SNTG1: variants seen among roughly 807,000 people sequenced by gnomAD.
The protein encoded by SNTG1 is syntrophin gamma 1.
SNTG1 carries 39 observed loss-of-function variants against 74.7 expected under a neutral mutation model. That is an observed-to-expected ratio of 0.52 (90% CI 0.40 to 0.68). The LOEUF (loss-of-function observed/expected upper bound fraction) is 0.68, where lower values mean the gene tolerates loss of function less well. SNTG1 is among the 30% of genes least tolerant of loss of function. SNTG1 has a pLI of 0.00. For missense variants in SNTG1, 685 were observed against 609.5 expected, an observed-to-expected ratio of 1.12 and a Z score of -1.30; for synonymous variants, 254 against 217.1, an observed-to-expected ratio of 1.17 and a Z score of -1.49.
chr8:50,762,700 G>A (rs1049842218), intron 18 of SNTG1: 6 of 482,356 alleles, frequency 1.2e-5, no homozygotes, highest in Admixed American at 8.5e-5. Flanking sequence ...AGAGACCATG[G>A]AGATTAGGCC....
intron 1 of SNTG1, among the ~76,000 whole-genome samples, chr8:50,146,010 T>C (rs1268296648): frequency 1.3e-5 from 2 of 151,432 alleles, no homozygotes; most frequent in Non-Finnish European, 2.9e-5. Flanking sequence ...CTTGTAGAAA[T>C]ATAGCTAAAT....
intron 17 of SNTG1, among the ~76,000 whole-genome samples, chr8:50,722,264 T>C (rs980478944): frequency 3.9e-5 from 6 of 152,142 alleles, no homozygotes; most frequent in Middle Eastern, 3.4e-3. Context: ...AACATCCACC[T>C]CCCAGGTTCA....
intron 2 of SNTG1, among the ~76,000 whole-genome samples, chr8:50,361,002 A>G (rs907987475): frequency 6.6e-6 from 1 of 152,192 alleles, no homozygotes; most frequent in African/African-American, 2.4e-5. Flanking sequence ...TTAAACTTTT[A>G]ATGATTTGCT....
chr8:50,046,549 G>GA (rs1171726160), intron 1 of SNTG1, among the ~76,000 whole-genome samples: 1 of 152,058 alleles, frequency 6.6e-6, no homozygotes, highest in East Asian at 1.9e-4. Context: ...CTGAAATCAA[G>GA]AATCATAACC....
intron 5 of SNTG1, among the ~76,000 whole-genome samples, chr8:50,449,457 C>T (rs1016717021): frequency 7.9e-5 from 12 of 152,250 alleles, no homozygotes; most frequent in African/African-American, 2.9e-4. Context: ...ACTTTCAAAG[C>T]CAATTGTTAT....
chr8:50,585,032 A>T (rs760344982), intron 12 of SNTG1, among the ~76,000 whole-genome samples: 1 of 152,180 alleles, frequency 6.6e-6, no homozygotes. Context: ...TGGGTCATTC[A>T]TACAGAATTT....
At chr8:50,622,916 A>T (rs905555733) in intron 13 of SNTG1, among the ~76,000 whole-genome samples, 1 of 152,144 alleles carries the variant, frequency 6.6e-6, no homozygotes, top group Non-Finnish European at 1.5e-5. Flanking sequence ...TGAATTACCG[A>T]TGTTTTCGGT....
chr8:50,151,773 G>A (rs1275145313), intron 1 of SNTG1, among the ~76,000 whole-genome samples: 6 of 152,184 alleles, frequency 3.9e-5, no homozygotes, highest in East Asian at 1.9e-4. Flanking sequence ...TGGTCTGAGG[G>A]AGAGCTTGTT....
chr8:50,164,092 C>CTTTTTTTTTTTT (rs3086088), intron 1 of SNTG1: 11 of 71,984 alleles, frequency 1.5e-4, no homozygotes, highest in Non-Finnish European at 1.9e-4. Context: ...GACACAATTT[C>CTTTTTTTTTTTT]TTTTTTTTTT....
intron 1 of SNTG1, among the ~76,000 whole-genome samples, chr8:49,997,447 A>C (rs2449963): frequency 0.78 from 118,138 of 152,054 alleles, 46,066 homozygotes; most frequent in East Asian, 0.83. Context: ...CTTAACTCAG[A>C]GGAGTCATGT....
At chr8:50,483,676 T>C (rs2093759251) in intron 8 of SNTG1, among the ~76,000 whole-genome samples, 1 of 152,214 alleles carries the variant, frequency 6.6e-6, no homozygotes, top group Admixed American at 6.5e-5. Context: ...TGTAAGCAAT[T>C]CTACAATATT....
At chr8:50,064,357 C>G (rs771964050) in intron 1 of SNTG1, among the ~76,000 whole-genome samples, 1 of 152,108 alleles carries the variant, frequency 6.6e-6, no homozygotes, top group Non-Finnish European at 1.5e-5. Flanking sequence ...GCAGAAAGCT[C>G]TTCATTCTCT....
At chr8:49,931,078 A>C (rs1807544404) in intron 1 of SNTG1, among the ~76,000 whole-genome samples, 1 of 152,212 alleles carries the variant, frequency 6.6e-6, no homozygotes, top group South Asian at 2.1e-4. Context: ...CAAATGTTGC[A>C]TAAAGAAAAG....
intron 12 of SNTG1, among the ~76,000 whole-genome samples, chr8:50,568,253 G>GTGTGTGTGCTAT: frequency 6.6e-6 from 1 of 151,764 alleles, no homozygotes; most frequent in Admixed American, 6.6e-5. Context: ...GTGTGTGTGT[G>GTGTGTGTGCTAT]CTATCTATTT....
intron 2 of SNTG1, among the ~76,000 whole-genome samples, chr8:50,181,443 G>A (rs1586610260): frequency 1.3e-5 from 2 of 152,100 alleles, no homozygotes; most frequent in South Asian, 2.1e-4. Context: ...TGGTTAGCAC[G>A]TGCATCAGTC....
intron 1 of SNTG1, among the ~76,000 whole-genome samples, chr8:49,987,611 A>G (rs183054198): frequency 1.1e-4 from 17 of 152,106 alleles, no homozygotes; most frequent in African/African-American, 2.7e-4. Context: ...AGGTCGGTGC[A>G]AAAGTAATTG....
At chr8:50,001,074 GGTGAGCTGAGCTCAACT>G (rs1563453581) in intron 1 of SNTG1, among the ~76,000 whole-genome samples, 1 of 152,180 alleles carries the variant, frequency 6.6e-6, no homozygotes, top group Non-Finnish European at 1.5e-5. Context: ...AAGAGTCCAG[GGTGAGCTGAGCTCAACT>G]GTGACTTGTG....
intron 13 of SNTG1, among the ~76,000 whole-genome samples, chr8:50,653,436 T>A (rs558970237): frequency 6.6e-6 from 1 of 152,066 alleles, no homozygotes; most frequent in African/African-American, 2.4e-5. Context: ...TCTAAAAAAA[T>A]ATATTAGTAA....
intron 18 of SNTG1, among the ~76,000 whole-genome samples, chr8:50,772,056 A>C (rs899206838): frequency 2.0e-5 from 3 of 152,068 alleles, no homozygotes; most frequent in Non-Finnish European, 4.4e-5. Context: ...GGCAATGCTG[A>C]GTGGAAATGT....
Sources: allele counts gnomAD v4.1 joint callset (sites outside exome capture counted in the v4.1 genomes callset), GRCh38; gene constraint gnomAD v4.1.1; transcripts MANE v1.5; gene names NCBI Gene and HGNC (gene_info 2026-07-23, HGNC 2026-07-21).